ADGRA3: variants seen among roughly 807,000 people sequenced by gnomAD.
ADGRA3 encodes the protein adhesion G protein-coupled receptor A3, also known as G-protein coupled receptor 125.
ADGRA3 carries 56 observed loss-of-function variants against 119.8 expected under a neutral mutation model. The observed-to-expected ratio is 0.47, with a 90% CI of 0.38 to 0.58. The LOEUF (loss-of-function observed/expected upper bound fraction) is 0.58, where lower values mean the gene tolerates loss of function less well. Among genes scored for constraint, ADGRA3 ranks in the 20% least tolerant of loss-of-function variants. ADGRA3 has a pLI of 0.00. For missense variants in ADGRA3, 1,516 were observed against 1,649.0 expected (o/e 0.92, Z 1.40); for synonymous variants, 607 against 623.8 (o/e 0.97, Z 0.40).
In ADGRA3 at chr4:22,515,753, G is replaced by C. The variant is rs1336498787; in HGVS notation, c.32C>G (p.Ala11Gly). 3.9e-6 allele frequency: 4 copies of C among 1,025,532 alleles called. No homozygotes were observed. In the East Asian group the frequency reaches 4.0e-4, roughly 103 times the overall value. The allele number at this position is 1,025,532 out of a possible 1,614,324, so 63.5% of individuals were successfully genotyped here. Residue 11 changes from alanine to glycine, a missense_variant, in exon 1 of 19, where the codon GCG becomes GGG. Ala to Gly is a moderately conservative substitution (Grantham distance 60). Transcript: ENST00000334304. ...GAGCGGCAGCAACAGCGGCGGCTGC[G>C]CGCGGCCCCGCCGGCGTCCGGGTGG... The part of the protein sequence containing the change: MEPPGRRRGR[A>G]QPPLLLPLSL...
intron 16 of ADGRA3, among the ~76,000 whole-genome samples, chr4:22,395,643 C>T (rs933373492): frequency 6.6e-6 from 1 of 152,170 alleles, no homozygotes; most frequent in African/African-American, 2.4e-5. Context: ...GTGTCCACTA[C>T]TAAGTACTAA....
chr4:22,515,568 C>G lies in ADGRA3; in HGVS notation c.217G>C (p.Val73Leu). The change falls in exon 1 of 19, where the codon GTC becomes CTC. Residue 73 changes from valine (V) to leucine (L), a missense_variant. Around this residue, in one of 2 missense-constraint regions of ADGRA3, gnomAD observed 428 missense variants for 541.9 expected, o/e 0.79. Transcript: ENST00000334304. ...TTGGGCAGAGTATCTGGGGGCAGGA[C>G]CTGCGCGAGTTCCAGGCTGCTGCAC... ...VVCSSLELAQ[V>L]LPPDTLPNRT... The G allele has an allele frequency of 6.2e-7, 1 of 1,603,782 alleles. No individual in the cohort carries two copies. Among genetic ancestry groups the G allele is most frequent in the Non-Finnish European group, 8.5e-7 (1 of 1,175,388 alleles).
chr4:22,509,573 C>A (rs192763746), intron 1 of ADGRA3, among the ~76,000 whole-genome samples: 296 of 152,094 alleles, frequency 1.9e-3, no homozygotes, highest in African/African-American at 6.7e-3. Flanking sequence ...GCACCTTCCC[C>A]CGTAGGTAGG....
intron 1 of ADGRA3, among the ~76,000 whole-genome samples, chr4:22,478,890 G>A (rs1404315547): frequency 3.9e-5 from 6 of 152,224 alleles, no homozygotes; most frequent in South Asian, 2.1e-4. Flanking sequence ...TAGGAAATTT[G>A]AAAATGTAGC....
chr4:22,415,300 T>C (rs1577333830), intron 12 of ADGRA3, among the ~76,000 whole-genome samples: 1 of 152,328 alleles, frequency 6.6e-6, no homozygotes, highest in East Asian at 1.9e-4. Context: ...GAATTAATGA[T>C]GTTAGATCAC....
At chr4:22,493,257 T>C (rs1718695134) in intron 1 of ADGRA3, among the ~76,000 whole-genome samples, 1 of 152,180 alleles carries the variant, frequency 6.6e-6, no homozygotes, top group Non-Finnish European at 1.5e-5. Context: ...TGAGCCACTG[T>C]GCCCAGCCTC....
intron 7 of ADGRA3, 104 bp from the exon 8 acceptor site, chr4:22,438,524 T>C: frequency 1.2e-6 from 1 of 849,450 alleles, no homozygotes; most frequent in Non-Finnish European, 1.8e-6. Flanking sequence ...TGAATGCATA[T>C]TGTGGGGTAA....
In ADGRA3 at chr4:22,438,395, C is replaced by T. The variant is rs144997202; in HGVS notation, c.946G>A (p.Ala316Thr). 1 of 1,613,484 alleles carries T rather than the reference C, an allele frequency of 6.2e-7. No homozygotes were observed. ...ASALTISNIQ[A>T]GSTGNWGCHV... is the part of the protein sequence containing the mutation. ...CAGCCCCAATTTCCAGTAGATCCAG[C>T]CTGAATATTAGAAATGGTTAGGGCA... Residue 316 changes from alanine to threonine, a missense_variant, in exon 8 of 19, where the codon GCT (alanine) becomes ACT (threonine). Physicochemically the swap from Ala to Thr is moderately conservative, Grantham distance 58 (BLOSUM62 0). Around this residue, in one of 2 missense-constraint regions of ADGRA3, gnomAD observed 428 missense variants for 541.9 expected, o/e 0.79. Transcript: ENST00000334304.
At chr4:22,497,372 CTG>C (rs1186749550) in intron 1 of ADGRA3, among the ~76,000 whole-genome samples, 3 of 152,070 alleles carry the variant, frequency 2.0e-5, no homozygotes, top group Non-Finnish European at 4.4e-5. Context: ...AAAAAAGTCT[CTG>C]TTTCTGACAT....
At chr4:22,500,440 G>T (rs756962075) in intron 1 of ADGRA3, among the ~76,000 whole-genome samples, 2 of 141,980 alleles carry the variant, frequency 1.4e-5, no homozygotes, top group Non-Finnish European at 3.1e-5. Flanking sequence ...CCTAGAACAC[G>T]ATCAACATTC....
At chr4:22,413,920 T>C (rs1715327444) in intron 12 of ADGRA3, 106 bp from the exon 13 acceptor site, 1 of 697,730 alleles carries the variant, frequency 1.4e-6, no homozygotes, top group Middle Eastern at 4.1e-4. Context: ...GTTGACTTCA[T>C]TTTTTAAATT....
In ADGRA3 at chr4:22,478,304, G is replaced by A. The variant is rs1718125599; in HGVS notation, c.258-4461C>T. The A allele has an allele frequency of 2.6e-5, 4 of 152,274 alleles. No individual in the cohort carries two copies. In the South Asian group the frequency reaches 8.3e-4, roughly 32 times the overall value. The allele number at this position is 152,274 out of a possible 1,614,324, so 9.4% of individuals were successfully genotyped here. A position where few individuals can be genotyped will look rare whatever the true frequency, so the allele number is the denominator to read the frequency against. ...AAAAAATCAAAAAGTTTATGGAGCA[G>A]AAGAAATAAAAATTAAGTAGTTTTA... On this transcript the variant is annotated intron_variant, in intron 1 of 18. Coordinates refer to ENST00000334304, the MANE Select transcript of ADGRA3 (RefSeq NM_145290.4).
At chr4:22,427,899 A>T (rs1215305470) in intron 10 of ADGRA3, among the ~76,000 whole-genome samples, 1 of 152,226 alleles carries the variant, frequency 6.6e-6, no homozygotes, top group African/African-American at 2.4e-5. Context: ...CTAAAGTGGG[A>T]GGAACAACCG....
At chr4:22,501,338 GAAC>G (rs199829463) in intron 1 of ADGRA3, among the ~76,000 whole-genome samples, 2 of 119,668 alleles carry the variant, frequency 1.7e-5, no homozygotes, top group Non-Finnish European at 4.0e-5. Flanking sequence ...TCTTGAAGGA[GAAC>G]AATGAGAAAG....
chr4:22,502,929 G>A (rs1405371448), intron 1 of ADGRA3, among the ~76,000 whole-genome samples: 1 of 146,820 alleles, frequency 6.8e-6, no homozygotes. Context: ...AGAAAAATGA[G>A]ACCTCTTTGT....
chr4:22,436,914 A>G (rs1175430109), intron 8 of ADGRA3, among the ~76,000 whole-genome samples: 1 of 152,226 alleles, frequency 6.6e-6, no homozygotes, highest in African/African-American at 2.4e-5. Context: ...AACAGAATTC[A>G]TTACAAAAAC....
At chr4:22,489,668 C>T (rs73247113) in intron 1 of ADGRA3, among the ~76,000 whole-genome samples, 2 of 152,162 alleles carry the variant, frequency 1.3e-5, no homozygotes, top group Admixed American at 1.3e-4. Flanking sequence ...AATGATCCTT[C>T]AAGTTTCCAA....
At chr4:22,461,388 A>T (rs755511766) in intron 3 of ADGRA3, among the ~76,000 whole-genome samples, 3 of 152,188 alleles carry the variant, frequency 2.0e-5, no homozygotes, top group Non-Finnish European at 4.4e-5. Flanking sequence ...GTAGTCTCCC[A>T]TTCCCAGGTT....
chr4:22,438,510 T>C (rs1716485878), intron 7 of ADGRA3, 90 bp from the exon 8 acceptor site: 1 of 973,806 alleles, frequency 1.0e-6, no homozygotes, highest in Non-Finnish European at 1.5e-6. Context: ...TTAGCAAATA[T>C]TTTTGAATGC....
Sources: gnomAD v4.1 joint callset for allele counts (sites outside exome capture counted in the v4.1 genomes callset) on GRCh38, gnomAD v4.1.1 for gene constraint, gnomAD v4.1.1 regional missense constraint, MANE v1.5 for transcripts, NCBI Gene and HGNC (gene_info 2026-07-23, HGNC 2026-07-21) for gene names.